PCSK5: variants seen among roughly 807,000 people sequenced by gnomAD.
PCSK5 encodes the protein proprotein convertase subtilisin/kexin type 5, also known as prohormone convertase 5.
A neutral mutation model predicts 233.2 loss-of-function variants in PCSK5; 129 were observed. The ratio of observed to expected loss-of-function variants is 0.55; its 90% CI spans 0.48 to 0.64. PCSK5 has a LOEUF of 0.64. PCSK5 is among the 30% of genes least tolerant of loss of function. The probability of loss-of-function intolerance (pLI) is 0.00; values close to 1 mark genes in which losing one functional copy is unlikely to be tolerated. For missense variants in PCSK5, 2,076 were observed against 2,430.1 expected, an observed-to-expected ratio of 0.85 and a Z score of 3.06; for synonymous variants, 825 against 879.2, an observed-to-expected ratio of 0.94 and a Z score of 1.09.
chr9:76,321,516 G>A lies in PCSK5; in HGVS notation c.3979G>A (p.Gly1327Ser). The A allele has an allele frequency of 6.2e-7, 1 of 1,612,258 alleles. No homozygotes were observed. Among genetic ancestry groups the A allele is most frequent in the Non-Finnish European group, 8.5e-7 (1 of 1,179,302 alleles). Residue 1327 changes from glycine to serine, a missense_variant, in exon 31 of 38, where the codon GGC becomes AGC. Transcript: ENST00000674117. Reference protein sequence around the residue: ...NATNCHSCEGGHVLHHGVCQE... With the variant: ...NATNCHSCEGSHVLHHGVCQE... ...CACCAACTGCCATTCTTGTGAAGGA[G>A]GCCACGTCCTGCACCACGGAGTGTG...
intron 5 of PCSK5, among the ~76,000 whole-genome samples, chr9:76,050,382 C>G (rs1294037609): frequency 6.6e-6 from 1 of 152,094 alleles, no homozygotes. Flanking sequence ...CCACAAAAAT[C>G]AAAATTATAA....
chr9:76,272,189 A>G (rs979967036), intron 24 of PCSK5, among the ~76,000 whole-genome samples: 1 of 152,062 alleles, frequency 6.6e-6, no homozygotes, highest in Admixed American at 6.5e-5. Context: ...ATCATTTTGG[A>G]AGACATAATT....
At chr9:75,944,664 C>T (rs758764288) in intron 2 of PCSK5, among the ~76,000 whole-genome samples, 5 of 152,102 alleles carry the variant, frequency 3.3e-5, no homozygotes, top group African/African-American at 4.8e-5. Flanking sequence ...GAGCCCAGGG[C>T]TCAGTCAGCT....
chr9:76,160,603 G>A (rs972955298), intron 12 of PCSK5, among the ~76,000 whole-genome samples: 3 of 152,174 alleles, frequency 2.0e-5, no homozygotes, highest in African/African-American at 7.2e-5. Context: ...ACAGGCCAGA[G>A]GTGTTGAGAG....
chr9:76,277,353 C>T (rs759212930), intron 24 of PCSK5, among the ~76,000 whole-genome samples: 48 of 152,130 alleles, frequency 3.2e-4, no homozygotes, highest in Non-Finnish European at 4.4e-5. Context: ...ATAGGAATTG[C>T]TGCATATTTT....
chr9:76,096,318 A>C (rs994383472), intron 8 of PCSK5, among the ~76,000 whole-genome samples: 1 of 152,196 alleles, frequency 6.6e-6, no homozygotes, highest in South Asian at 2.1e-4. Context: ...TGCAACATTT[A>C]ATGTGGACTT....
At chr9:76,201,213 C>T (rs1372294437) in intron 20 of PCSK5, among the ~76,000 whole-genome samples, 1 of 152,154 alleles carries the variant, frequency 6.6e-6, no homozygotes, top group Non-Finnish European at 1.5e-5. Flanking sequence ...TCCCCTAGCC[C>T]TCTAAACTGT....
intron 20 of PCSK5, 140 bp downstream of exon 20, chr9:76,189,886 A>G (rs955347637): frequency 2.3e-5 from 13 of 569,144 alleles, no homozygotes; most frequent in East Asian, 5.9e-5. Context: ...GCATTCATTC[A>G]TCTTGAACTT....
chr9:76,120,152 T>A (rs10124793), intron 9 of PCSK5, among the ~76,000 whole-genome samples: 71,565 of 151,814 alleles, frequency 0.47, 17,262 homozygotes, highest in Admixed American at 0.52. Flanking sequence ...ATAGGGATCC[T>A]ATTTGCCCAA....
At chr9:76,006,523 C>A (rs1208826765) in intron 3 of PCSK5, among the ~76,000 whole-genome samples, 1 of 152,128 alleles carries the variant, frequency 6.6e-6, no homozygotes, top group Non-Finnish European at 1.5e-5. Context: ...TCCGTTGAGT[C>A]TACCTATGGA....
At chr9:76,257,530 T>C (rs747681054) in intron 24 of PCSK5, among the ~76,000 whole-genome samples, 3 of 152,172 alleles carry the variant, frequency 2.0e-5, no homozygotes, top group African/African-American at 7.2e-5. Context: ...TCCAGACTCA[T>C]CCTTTCCACA....
chr9:76,328,507 TTCTC>T (rs369408654), intron 33 of PCSK5, among the ~76,000 whole-genome samples: 4 of 151,814 alleles, frequency 2.6e-5, no homozygotes, highest in African/African-American at 9.7e-5. Context: ...TTCTCACTCA[TTCTC>T]TCTCTCTCTA....
At chr9:76,204,138 A>G (rs1825020755) in intron 20 of PCSK5, among the ~76,000 whole-genome samples, 1 of 152,084 alleles carries the variant, frequency 6.6e-6, no homozygotes, top group African/African-American at 2.4e-5. Flanking sequence ...CTAATATCCA[A>G]TCCATCACCC....
chr9:75,978,635 G>A (rs1387417264), intron 2 of PCSK5, among the ~76,000 whole-genome samples: 1 of 152,144 alleles, frequency 6.6e-6, no homozygotes, highest in Non-Finnish European at 1.5e-5. Flanking sequence ...GTTTTTAGAT[G>A]TTTTAATAGC....
chr9:75,934,408 G>A (rs2131287365), intron 2 of PCSK5, among the ~76,000 whole-genome samples: 1 of 151,918 alleles, frequency 6.6e-6, no homozygotes, highest in Non-Finnish European at 1.5e-5. Context: ...GCCCTTTTTC[G>A]AGCCCCTAGC....
At chr9:76,280,397 TTTAAATCAA>T (rs1827828101) in intron 24 of PCSK5, among the ~76,000 whole-genome samples, 1 of 152,172 alleles carries the variant, frequency 6.6e-6, no homozygotes, top group African/African-American at 2.4e-5. Flanking sequence ...AGTCTCTCAC[TTTAAATCAA>T]AAGCTTAAAA....
At chr9:76,157,187 C>T (rs1383333762) in intron 11 of PCSK5, 25 bp downstream of exon 11, 1 of 1,479,708 alleles carries the variant, frequency 6.8e-7, no homozygotes, top group African/African-American at 1.4e-5. Flanking sequence ...CGGCAAACAG[C>T]ATGACAATGC....
chr9:75,922,831 T>C (rs1317354185), intron 1 of PCSK5, among the ~76,000 whole-genome samples: 1 of 152,190 alleles, frequency 6.6e-6, no homozygotes, highest in Non-Finnish European at 1.5e-5. Context: ...ATCTGGTGCT[T>C]ATTCAACTTG....
intron 24 of PCSK5, among the ~76,000 whole-genome samples, chr9:76,265,084 G>GA (rs1316163458): frequency 6.6e-6 from 1 of 151,968 alleles, no homozygotes; most frequent in Non-Finnish European, 1.5e-5. Flanking sequence ...CCATAAAAAA[G>GA]AAAAAATTAT....
Sources: gnomAD v4.1 joint callset for allele counts (sites outside exome capture counted in the v4.1 genomes callset) on GRCh38, gnomAD v4.1.1 for gene constraint, MANE v1.5 for transcripts, NCBI Gene and HGNC (gene_info 2026-07-23, HGNC 2026-07-21) for gene names.